SCFD2: variants seen among roughly 807,000 people sequenced by gnomAD.
SCFD2 encodes the protein sec1 family domain containing 2.
A neutral mutation model predicts 58.9 loss-of-function variants in SCFD2; 54 were observed. The ratio of observed to expected loss-of-function variants is 0.92; its 90% CI spans 0.74 to 1.15. The LOEUF (loss-of-function observed/expected upper bound fraction) is 1.15, where lower values mean the gene tolerates loss of function less well. Among genes scored for constraint, SCFD2 ranks in the 50% most tolerant of loss-of-function variants. The pLI is 0.00. For missense variants in SCFD2, 805 were observed against 836.6 expected (o/e 0.96, Z 0.47); for synonymous variants, 321 against 335.9 (o/e 0.96, Z 0.49).
At chr4:53,185,046 C>T (rs10517283) in intron 4 of SCFD2, among the ~76,000 whole-genome samples, 1 of 151,982 alleles carries the variant, frequency 6.6e-6, no homozygotes, top group African/African-American at 2.4e-5. Context: ...AGCTAATTGA[C>T]TCTCAACATT....
chr4:53,188,814 A>C (rs1041024813), intron 4 of SCFD2, among the ~76,000 whole-genome samples: 100 of 152,318 alleles, frequency 6.6e-4, no homozygotes, highest in African/African-American at 2.3e-3. Context: ...GTCTAAGTAC[A>C]TAACTGTTTA....
At chr4:53,215,977 G>C (rs943464396) in intron 4 of SCFD2, among the ~76,000 whole-genome samples, 4 of 152,182 alleles carry the variant, frequency 2.6e-5, no homozygotes, top group African/African-American at 9.7e-5. Flanking sequence ...AACCAGCCTT[G>C]CATCCCAGGG....
intron 4 of SCFD2, among the ~76,000 whole-genome samples, chr4:53,228,568 C>T (rs2149003545): frequency 6.6e-6 from 1 of 152,194 alleles, no homozygotes; most frequent in East Asian, 1.9e-4. Flanking sequence ...CAAAATTCAA[C>T]AACACTTCAT....
At chr4:53,348,714 C>CAT (rs1016477918) in intron 2 of SCFD2, among the ~76,000 whole-genome samples, 1 of 149,038 alleles carries the variant, frequency 6.7e-6, no homozygotes, top group Non-Finnish European at 1.5e-5. Flanking sequence ...CACTTATGAC[C>CAT]ATATTTTTTT....
At chr4:53,331,301 C>A (rs1245054999) in intron 2 of SCFD2, among the ~76,000 whole-genome samples, 1 of 151,410 alleles carries the variant, frequency 6.6e-6, no homozygotes, top group African/African-American at 2.4e-5. Context: ...ACATTTTTTT[C>A]AGCACCACAC....
chr4:53,189,111 T>C (rs535024948), intron 4 of SCFD2, among the ~76,000 whole-genome samples: 1 of 152,300 alleles, frequency 6.6e-6, no homozygotes, highest in South Asian at 2.1e-4. Flanking sequence ...TTCTCTAAGC[T>C]CCTGGGAAAG....
intron 4 of SCFD2, among the ~76,000 whole-genome samples, chr4:53,161,178 G>A (rs995025219): frequency 6.6e-6 from 1 of 152,198 alleles, no homozygotes; most frequent in Non-Finnish European, 1.5e-5. Context: ...GAGCAAAAGA[G>A]GGGCTTCCAG....
intron 5 of SCFD2, among the ~76,000 whole-genome samples, chr4:53,007,433 G>A (rs1300709478): frequency 1.3e-5 from 2 of 150,664 alleles, no homozygotes; most frequent in Non-Finnish European, 3.0e-5. Flanking sequence ...GAGGGAGGGA[G>A]GGAGGAAGGA....
intron 4 of SCFD2, among the ~76,000 whole-genome samples, chr4:53,187,573 A>C (rs1727774563): frequency 6.6e-6 from 1 of 152,176 alleles, no homozygotes; most frequent in South Asian, 2.1e-4. Flanking sequence ...CAATGAGACT[A>C]GTTAGTAAAC....
intron 5 of SCFD2, among the ~76,000 whole-genome samples, chr4:52,977,246 C>A (rs1721276841): frequency 6.6e-6 from 1 of 152,150 alleles, no homozygotes; most frequent in Non-Finnish European, 1.5e-5. Context: ...AATATAGAAT[C>A]ATTAAGGTTC....
chr4:53,001,613 T>C (rs747980947), intron 5 of SCFD2, among the ~76,000 whole-genome samples: 3 of 152,246 alleles, frequency 2.0e-5, no homozygotes, highest in Non-Finnish European at 4.4e-5. Context: ...TTTAGTAGTT[T>C]AATCTTTTAA....
At chr4:52,936,829 T>C (rs185980621) in intron 5 of SCFD2, among the ~76,000 whole-genome samples, 1 of 152,370 alleles carries the variant, frequency 6.6e-6, no homozygotes, top group Admixed American at 6.5e-5. Context: ...AACTTCTTTG[T>C]ACTGTCTACT....
intron 5 of SCFD2, among the ~76,000 whole-genome samples, chr4:53,073,431 A>G (rs1723881647): frequency 1.3e-5 from 2 of 152,136 alleles, no homozygotes; most frequent in Admixed American, 1.3e-4. Flanking sequence ...CAAGCCCAAT[A>G]CAGTTGATCG....
chr4:53,216,013 T>C (rs1728817375), intron 4 of SCFD2, among the ~76,000 whole-genome samples: 1 of 152,204 alleles, frequency 6.6e-6, no homozygotes, highest in African/African-American at 2.4e-5. Context: ...TCATGGTGGA[T>C]AAGCTTTCTT....
At chr4:53,180,792 C>T (rs184502008) in intron 4 of SCFD2, among the ~76,000 whole-genome samples, 3,211 of 152,032 alleles carry the variant, frequency 0.021, 127 homozygotes, top group African/African-American at 0.073. Flanking sequence ...AAGAATCAAA[C>T]AGACGCAATA....
intron 5 of SCFD2, among the ~76,000 whole-genome samples, chr4:52,998,442 C>A (rs189367412): frequency 6.6e-6 from 1 of 152,194 alleles, no homozygotes; most frequent in Non-Finnish European, 1.5e-5. Flanking sequence ...CATATTCAGC[C>A]GTCAGAGTAT....
Position 53,352,881 on chromosome 4 carries a change from C to T in SCFD2, c.839-115G>A, listed in dbSNP as rs572533673. The T allele has an allele frequency of 1.4e-5, 12 of 883,126 alleles. No individual in the cohort carries two copies. The South Asian group carries it at 2.0e-4, about 15-fold the overall frequency. The allele number at this position is 883,126 out of a possible 1,614,324, so 54.7% of individuals were successfully genotyped here. ...ATAACATACATTTTTAGTTTCTGTT[C>T]AACAAAACTCACATTTTGCCCTTCA... On this transcript the variant is annotated intron_variant, in intron 1 of 8. Coordinates refer to ENST00000401642, the MANE Select transcript of SCFD2 (RefSeq NM_152540.4).
chr4:52,957,132 CAGA>C (rs1720730044), intron 5 of SCFD2: 3 of 151,948 alleles, frequency 2.0e-5, no homozygotes, highest in East Asian at 3.9e-4. Context: ...TGCTGACATG[CAGA>C]AGGAGTGGGG....
At chr4:52,941,975 T>A (rs1364920264) in intron 5 of SCFD2, among the ~76,000 whole-genome samples, 1 of 152,220 alleles carries the variant, frequency 6.6e-6, no homozygotes. Context: ...GAGCTCAAAA[T>A]GTTTCAGATT....
Sources: allele counts gnomAD v4.1 joint callset (sites outside exome capture counted in the v4.1 genomes callset), GRCh38; gene constraint gnomAD v4.1.1; transcripts MANE v1.5; gene names NCBI Gene and HGNC (gene_info 2026-07-23, HGNC 2026-07-21).